The following SPTLC3 variants were observed in gnomAD, a reference collection of about 807,000 sequenced individuals.
The protein encoded by SPTLC3 is serine palmitoyltransferase long chain base subunit 3, also known as serine palmitoyltransferase 3.
In SPTLC3, 36 loss-of-function variants were observed where a neutral mutation model predicts 59.3. The ratio of observed to expected loss-of-function variants is 0.61; its 90% confidence interval spans 0.47 to 0.80. The LOEUF (loss-of-function observed/expected upper bound fraction) is 0.80, where lower values mean the gene tolerates loss of function less well. Among genes scored for constraint, SPTLC3 ranks in the 30% least tolerant of loss-of-function variants. SPTLC3 has a pLI of 0.00. For missense variants in SPTLC3, 625 were observed against 685.1 expected, an observed-to-expected ratio of 0.91 and a Z score of 0.98; for synonymous variants, 257 against 240.8, an observed-to-expected ratio of 1.07 and a Z score of -0.62.
At chr20:13,120,829 A>C (rs1352578472) in intron 8 of SPTLC3, among the ~76,000 whole-genome samples, 1 of 152,230 alleles carries the variant, frequency 6.6e-6, no homozygotes, top group Non-Finnish European at 1.5e-5. Flanking sequence ...TTCCACCTCA[A>C]GGAAACTGCT....
At chr20:13,069,345 A>T (rs1988353280) in intron 2 of SPTLC3, among the ~76,000 whole-genome samples, 1 of 152,166 alleles carries the variant, frequency 6.6e-6, no homozygotes, top group South Asian at 2.1e-4. Context: ...TTTGAGCTCT[A>T]AAACAGCAGT....
chr20:13,019,658 A>T (rs1002858778), intron 1 of SPTLC3, among the ~76,000 whole-genome samples: 3 of 152,166 alleles, frequency 2.0e-5, no homozygotes, highest in Non-Finnish European at 4.4e-5. Context: ...AGTGTTAGAG[A>T]CCTGGTGATA....
chr20:13,095,406 G>A (rs1989375914), intron 6 of SPTLC3, among the ~76,000 whole-genome samples: 2 of 152,122 alleles, frequency 1.3e-5, no homozygotes. Context: ...CTGCACAATA[G>A]TGGCATCTAG....
At chr20:13,089,584 G>C (rs183010496) in intron 4 of SPTLC3, among the ~76,000 whole-genome samples, 1 of 152,002 alleles carries the variant, frequency 6.6e-6, no homozygotes, top group Non-Finnish European at 1.5e-5. Context: ...TCAGGAGTTC[G>C]AGACCAGCCT....
intron 1 of SPTLC3, among the ~76,000 whole-genome samples, chr20:13,022,765 C>G (rs1286741717): frequency 6.6e-6 from 1 of 152,154 alleles, no homozygotes; most frequent in Non-Finnish European, 1.5e-5. Context: ...TCCACCCTCC[C>G]CTCCCCTCTG....
intron 8 of SPTLC3, among the ~76,000 whole-genome samples, chr20:13,125,056 G>A (rs2037956634): frequency 6.6e-6 from 1 of 150,964 alleles, no homozygotes; most frequent in Non-Finnish European, 1.5e-5. Flanking sequence ...CAGCCCATTA[G>A]CTTTTCTGCA....
intron 1 of SPTLC3, among the ~76,000 whole-genome samples, chr20:13,046,819 T>C (rs905761938): frequency 6.6e-6 from 1 of 152,224 alleles, no homozygotes; most frequent in Non-Finnish European, 1.5e-5. Flanking sequence ...GTGCTGAACA[T>C]GTTGCTTGCT....
intron 9 of SPTLC3, among the ~76,000 whole-genome samples, chr20:13,127,847 C>T (rs555879341): frequency 2.6e-5 from 4 of 152,112 alleles, no homozygotes; most frequent in African/African-American, 4.8e-5. Context: ...CTTGCCTTTT[C>T]GGTGTTATGA....
At chr20:13,079,837 G>A (rs201220190) in intron 4 of SPTLC3, 427 of 460,788 alleles carry the variant, frequency 9.3e-4, no homozygotes, top group Non-Finnish European at 1.7e-3. Flanking sequence ...CCTGGTCATG[G>A]AAAATGGGCA....
intron 1 of SPTLC3, among the ~76,000 whole-genome samples, chr20:13,025,515 C>T (rs759663159): frequency 3.3e-5 from 5 of 152,228 alleles, no homozygotes; most frequent in Admixed American, 2.0e-4. Flanking sequence ...ATAGTAGTGC[C>T]TACCCTATTG....
chr20:13,158,703 G>A (rs1265360218), intron 10 of SPTLC3, among the ~76,000 whole-genome samples: 1 of 152,148 alleles, frequency 6.6e-6, no homozygotes, highest in Admixed American at 6.5e-5. Flanking sequence ...AAATCAAAGG[G>A]CTAATGTTGC....
chr20:13,111,990 G>A (rs563564181), intron 7 of SPTLC3, among the ~76,000 whole-genome samples: 1 of 152,310 alleles, frequency 6.6e-6, no homozygotes, highest in East Asian at 1.9e-4. Flanking sequence ...ACCCAGGTGT[G>A]GACTTCCAGC....
chr20:13,051,031 GA>G (rs1297993672), intron 2 of SPTLC3: 3 of 151,978 alleles, frequency 2.0e-5, no homozygotes, highest in Non-Finnish European at 4.4e-5. Context: ...AAACAAAAAA[GA>G]AAAAACCCAA....
chr20:13,017,801 A>T (rs1240210768), intron 1 of SPTLC3, among the ~76,000 whole-genome samples: 1 of 152,162 alleles, frequency 6.6e-6, no homozygotes, highest in Non-Finnish European at 1.5e-5. Flanking sequence ...TCTAATTCTA[A>T]TCCACTTGAA....
At position 13,117,653 on chromosome 20, in the gene SPTLC3, T is replaced by A. The variant is rs1162363146; in HGVS notation, c.1080T>A (p.His360Gln). ...GVTEFFGLDP[H>Q]EVDVLMGTFT... is the part of the protein sequence containing the mutation. ...CGGAGTTCTTTGGACTAGACCCTCA[T>A]GAAGTTGATGTGCTCATGGGCACAT... Residue 360 changes from histidine (H) to glutamine (Q), a missense_variant, in exon 8 of 12, where the codon CAT becomes CAA. Coordinates refer to ENST00000399002, the MANE Select transcript of SPTLC3 (RefSeq NM_018327.4). 1.2e-6 allele frequency: 2 copies of A among 1,613,964 alleles called. No individual in the cohort carries two copies. Among genetic ancestry groups the A allele is most frequent in the African/African-American group, 2.7e-5 (2 of 74,918 alleles).
In SPTLC3 at chr20:13,109,780, G is replaced by T. The variant is rs144848207; in HGVS notation, c.827-332G>T. Among the ~76,000 whole-genome samples the T allele has an allele frequency of 3.0e-3, 455 of 152,214 alleles. 2 individuals carry two copies. The highest frequency in any genetic ancestry group is 0.01 in the African/African-American group (431 of 41,546). On this transcript the variant is annotated intron_variant, in intron 6 of 11. Transcript: ENST00000399002. ...TGTCTCTCAGAGTTCATTTCAGCCTGCAACAAAGCTTAGACCTAAGAGATG... is the reference window on the plus strand; with the variant it reads ...TGTCTCTCAGAGTTCATTTCAGCCTTCAACAAAGCTTAGACCTAAGAGATG...
intron 9 of SPTLC3, among the ~76,000 whole-genome samples, chr20:13,141,504 A>G (rs1055391827): frequency 6.6e-6 from 1 of 152,148 alleles, no homozygotes; most frequent in African/African-American, 2.4e-5. Flanking sequence ...CTCTCCATCC[A>G]ACTCAGCCAG....
At chr20:13,114,509 A>G (rs1990424641) in intron 7 of SPTLC3, among the ~76,000 whole-genome samples, 1 of 152,238 alleles carries the variant, frequency 6.6e-6, no homozygotes, top group Non-Finnish European at 1.5e-5. Flanking sequence ...CAGCTCTTCT[A>G]AAACAAATAC....
chr20:13,104,484 C>T (rs1447046204), intron 6 of SPTLC3, among the ~76,000 whole-genome samples: 2 of 152,172 alleles, frequency 1.3e-5, no homozygotes, highest in Non-Finnish European at 2.9e-5. Flanking sequence ...TGTGAGGCTT[C>T]CCCAGCCACG....
Sources: allele counts gnomAD v4.1 joint callset (sites outside exome capture counted in the v4.1 genomes callset), GRCh38; gene constraint gnomAD v4.1.1; transcripts MANE v1.5; gene names NCBI Gene and HGNC (gene_info 2026-07-23, HGNC 2026-07-21).